DDX39A: variants seen among roughly 807,000 people sequenced by gnomAD.
DDX39A encodes DExD-box helicase 39A.
Under a neutral mutation model 46.3 loss-of-function variants are expected in DDX39A, and 13 were observed. The observed-to-expected ratio is 0.28, with a 90% CI of 0.18 to 0.45. The LOEUF (loss-of-function observed/expected upper bound fraction) is 0.45. Among genes scored for constraint, DDX39A ranks in the 20% least tolerant of loss-of-function variants. The pLI is 1.00. For missense variants in DDX39A, 352 were observed against 581.8 expected (o/e 0.61, Z 4.06); for synonymous variants, 234 against 224.6 (o/e 1.04, Z -0.38).
At position 14,412,515 on chromosome 19, in the gene DDX39A, G is replaced by C; in HGVS notation, c.336+36C>G. 1 of 1,594,214 alleles carries C rather than the reference G, an allele frequency of 6.3e-7. No individual in the cohort carries two copies. The highest frequency in any genetic ancestry group is 2.2e-5 in the East Asian group (1 of 44,768). ...AGCCTACTCTACTTCCGCCGCCACAGGCAGGGTGGGGCCAGGAAGGGAGGA... is the reference window on the plus strand; with the variant it reads ...AGCCTACTCTACTTCCGCCGCCACACGCAGGGTGGGGCCAGGAAGGGAGGA... On this transcript the variant is annotated intron_variant, in intron 3 of 10. Coordinates refer to ENST00000242776, the MANE Select transcript of DDX39A (RefSeq NM_005804.4). The surrounding 1 kb of genome is among the most constrained non-coding windows in gnomAD (Gnocchi z 4.4).
In DDX39A at chr19:14,408,810, G is replaced by A; in HGVS notation, c.*126C>T. 1 of 1,377,036 alleles carries A rather than the reference G, an allele frequency of 7.3e-7. No homozygotes were observed. Among genetic ancestry groups the A allele is most frequent in the Non-Finnish European group, 9.7e-7 (1 of 1,035,458 alleles). The allele number at this position is 1,377,036 out of a possible 1,614,324, so 85.3% of individuals were successfully genotyped here. A position where few individuals can be genotyped will look rare whatever the true frequency, so the allele number is the denominator to read the frequency against. On this transcript the variant is annotated 3_prime_UTR_variant, in exon 11 of 11. Coordinates refer to ENST00000242776, the MANE Select transcript of DDX39A (RefSeq NM_005804.4). ...GATGACCAAGAAATAGATGGGGTGG[G>A]AGCCAGGCTTCCATAATAACAAGTT...
At position 14,409,559 on chromosome 19, in the gene DDX39A, G is replaced by A. The variant is rs766149625; in HGVS notation, c.951C>T (p.His317=). The part of the protein sequence containing the change: ...VEQNFPAIAI[H]RGMAQEERLS... ...ACCGCTCCTCCTGGGCCATGCCCCG[G>A]TGGATGGCGATGGCCGGGAAGTTCT... The change falls in exon 8 of 11, where the codon CAC becomes CAT. Residue 317 remains histidine, a synonymous_variant. Coordinates refer to ENST00000242776, the MANE Select transcript of DDX39A (RefSeq NM_005804.4). The surrounding 1 kb of genome is among the most constrained non-coding windows in gnomAD (Gnocchi z 8.3). 1.1e-5 allele frequency: 18 copies of A among 1,610,352 alleles called. No individual in the cohort carries two copies. The African/African-American group carries it at 2.4e-4, about 21-fold the overall frequency.
rs1162600787 is a variant in DDX39A, at chr19:14,410,188, C to T, written c.732+28G>A. On this transcript the variant is annotated intron_variant, in intron 6 of 10. Transcript: ENST00000242776. The surrounding 1 kb of genome is among the most constrained non-coding windows in gnomAD (Gnocchi z 4.3). ...CCAGGCTCCAGGCCCCTGGGGAAGGCCAAAGCTGCCACTCTCGCCCTACTC... is the reference window on the plus strand; with the variant it reads ...CCAGGCTCCAGGCCCCTGGGGAAGGTCAAAGCTGCCACTCTCGCCCTACTC... The T allele has an allele frequency of 6.2e-7, 1 of 1,604,322 alleles. No homozygotes were observed. Among genetic ancestry groups the T allele is most frequent in the Middle Eastern group, 1.7e-4 (1 of 6,048 alleles).
chr19:14,410,337 A>G lies in DDX39A; in HGVS notation c.614-3T>C. 1 of 1,613,154 alleles carries G rather than the reference A, an allele frequency of 6.2e-7. No homozygotes were observed. Among genetic ancestry groups the G allele is most frequent in the African/African-American group, 1.3e-5 (1 of 75,020 alleles). On this transcript the variant is annotated splice_region_variant and splice_polypyrimidine_tract_variant and intron_variant, in intron 5 of 10. Transcript: ENST00000242776. The surrounding 1 kb of genome is among the most constrained non-coding windows in gnomAD (Gnocchi z 4.3). ...CTCCTGCACATCCCGCCGCATGTCT[A>G]GGTGGGGAGGGCAAGACATGGGTGG...
chr19:14,409,847 CTCG>C lies in DDX39A; in HGVS notation c.756_758del (p.Asp252del), dbSNP rs1444539272. 2.5e-6 allele frequency: 4 copies of C among 1,613,952 alleles called. No individual in the cohort carries two copies. The highest frequency in any genetic ancestry group is 3.4e-6 in the Non-Finnish European group (4 of 1,180,042). ...GCAGGCCGTGCAGCGTGAGCTTGGT[CTCG>C]TCGTCCACAAACACCTCCATGGGCT... On this transcript the variant is annotated inframe_deletion, in exon 7 of 11. Coordinates refer to ENST00000242776, the MANE Select transcript of DDX39A (RefSeq NM_005804.4). This position sits in a 1 kb window ranked among gnomAD's most constrained non-coding sequence, Gnocchi z 8.3.
In DDX39A at chr19:14,411,364, C is replaced by A; in HGVS notation, c.429+142G>T. 9.7e-7 allele frequency: 1 copy of A among 1,029,158 alleles called. No homozygotes were observed. Among genetic ancestry groups the A allele is most frequent in the Non-Finnish European group, 1.4e-6 (1 of 695,266 alleles). 63.8% of individuals were successfully genotyped at this position (1,029,158 alleles called of 1,614,324 possible). A position where few individuals can be genotyped will look rare whatever the true frequency, so the allele number is the denominator to read the frequency against. On this transcript the variant is annotated intron_variant, in intron 4 of 10. Coordinates refer to ENST00000242776, the MANE Select transcript of DDX39A (RefSeq NM_005804.4). This position sits in a 1 kb window ranked among gnomAD's most constrained non-coding sequence, Gnocchi z 4.1. ...TGGGAGCCATGCATAATTCATCAGG[C>A]TTTTAAGGAGCAAAAACCACCGCAA...
In DDX39A at chr19:14,410,089, GA is replaced by G. The variant is rs982216132; in HGVS notation, c.732+126del. 1 of 1,063,024 alleles carries G rather than the reference GA, an allele frequency of 9.4e-7. No individual in the cohort carries two copies. The highest frequency in any genetic ancestry group is 1.7e-5 in the Admixed American group (1 of 57,792). The allele number at this position is 1,063,024 out of a possible 1,614,324, so 65.8% of individuals were successfully genotyped here. On this transcript the variant is annotated intron_variant, in intron 6 of 10. Coordinates refer to ENST00000242776, the MANE Select transcript of DDX39A (RefSeq NM_005804.4). The surrounding 1 kb of genome is among the most constrained non-coding windows in gnomAD (Gnocchi z 4.3). ...CCCAGTTTGACAAGACCGAGGGGAGGAAAGGAGGCTCCGCCGGCTCCCAGCA... is the reference window on the plus strand; with the variant it reads ...CCCAGTTTGACAAGACCGAGGGGAGGAAGGAGGCTCCGCCGGCTCCCAGCA...
At chr19:14,418,879 C>A (rs1408347940) in intron 1 of DDX39A, 3 of 456,052 alleles carry the variant, frequency 6.6e-6, no homozygotes, top group Non-Finnish European at 1.3e-5. Context: ...AAACCCCTGA[C>A]AACTGAAAGC....
In DDX39A at chr19:14,410,627, G is replaced by C; in HGVS notation, c.614-293C>G. The C allele has an allele frequency of 1.9e-6, 1 of 527,036 alleles. No individual in the cohort carries two copies. The highest frequency in any genetic ancestry group is 1.9e-5 in the African/African-American group (1 of 52,410). The allele number at this position is 527,036 out of a possible 1,614,324, so 32.6% of individuals were successfully genotyped here. Reference sequence around the variant, plus strand: ...GAGCCTGAGGCAGAGACAGCCGCTGGGGTGAGAGCTGCAGCTGCCTCCCAG... The same window carrying C: ...GAGCCTGAGGCAGAGACAGCCGCTGCGGTGAGAGCTGCAGCTGCCTCCCAG... On this transcript the variant is annotated intron_variant, in intron 5 of 10. Transcript: ENST00000242776. This position sits in a 1 kb window ranked among gnomAD's most constrained non-coding sequence, Gnocchi z 4.3.
At position 14,410,342 on chromosome 19, in the gene DDX39A, G is replaced by A; in HGVS notation, c.614-8C>T. 6.2e-7 allele frequency: 1 copy of A among 1,612,376 alleles called. No homozygotes were observed. Among genetic ancestry groups the A allele is most frequent in the Non-Finnish European group, 8.5e-7 (1 of 1,178,500 alleles). ...GCACATCCCGCCGCATGTCTAGGTG[G>A]GGAGGGCAAGACATGGGTGGGCATG... On this transcript the variant is annotated splice_region_variant and splice_polypyrimidine_tract_variant and intron_variant, in intron 5 of 10. Transcript: ENST00000242776. This position sits in a 1 kb window ranked among gnomAD's most constrained non-coding sequence, Gnocchi z 4.3.
Position 14,412,126 on chromosome 19 carries a change from G to A in DDX39A, c.336+425C>T, listed in dbSNP as rs1248587210. On this transcript the variant is annotated intron_variant, in intron 3 of 10. Coordinates refer to ENST00000242776, the MANE Select transcript of DDX39A (RefSeq NM_005804.4). The surrounding 1 kb of genome is among the most constrained non-coding windows in gnomAD (Gnocchi z 4.4). The stretch of plus-strand genomic sequence containing the variant: ...CACTGAAGTGTCTCCCCAGGACAGT[G>A]GCACACAAGACAATGGGAGAAGACA... Among the ~76,000 whole-genome samples, 1 of 152,202 alleles carries A rather than the reference G, an allele frequency of 6.6e-6. No individual in the cohort carries two copies. Among genetic ancestry groups the A allele is most frequent in the Admixed American group, 6.5e-5 (1 of 15,272 alleles).
rs1710626926 is a variant in DDX39A, at chr19:14,410,684, G to A, written c.613+305C>T. 3.9e-6 allele frequency: 2 copies of A among 517,698 alleles called. No homozygotes were observed. Among genetic ancestry groups the A allele is most frequent in the Admixed American group, 6.4e-5 (2 of 31,034 alleles). 32.1% of individuals were successfully genotyped at this position (517,698 alleles called of 1,614,324 possible). Reference sequence around the variant, plus strand: ...AGCCCATCTCCCACCGGCCCTGTCGGGGCTCACTGAGGGCAGGCGGGGCCT... The same window carrying A: ...AGCCCATCTCCCACCGGCCCTGTCGAGGCTCACTGAGGGCAGGCGGGGCCT... On this transcript the variant is annotated intron_variant, in intron 5 of 10. Transcript: ENST00000242776. This position sits in a 1 kb window ranked among gnomAD's most constrained non-coding sequence, Gnocchi z 4.3.
At position 14,413,163 on chromosome 19, in the gene DDX39A, G is replaced by A. The variant is rs970335865; in HGVS notation, c.58C>T (p.Gln20Ter). Residue 20 changes from glutamine (Q) to a stop codon, truncating the protein, a stop_gained, in exon 2 of 11, where the codon CAG becomes TAG. Transcript: ENST00000242776. LOFTEE classifies it high-confidence loss of function. Reference protein sequence around the residue: ...LLDYDEEEEPQAPQESTPAPP... With the variant: ...LLDYDEEEEP ...GCTGGTGTGCTCTCTTGAGGAGCCT[G>A]GGGCTCTTCCTCTTCATCGTAATCC... The A allele has an allele frequency of 6.2e-7, 1 of 1,613,950 alleles. No homozygotes were observed. The highest frequency in any genetic ancestry group is 1.3e-5 in the African/African-American group (1 of 74,912).
intron 1 of DDX39A, among the ~76,000 whole-genome samples, chr19:14,415,050 C>A (rs1976753728): frequency 6.6e-6 from 1 of 151,808 alleles, no homozygotes; most frequent in South Asian, 2.1e-4. Context: ...ACATGTGCAA[C>A]CACTACCACA....
chr19:14,410,133 C>T lies in DDX39A; in HGVS notation c.732+83G>A. 5.5e-6 allele frequency: 7 copies of T among 1,265,302 alleles called. No individual in the cohort carries two copies. The highest frequency in any genetic ancestry group is 8.1e-6 in the Non-Finnish European group (7 of 869,122). The allele number at this position is 1,265,302 out of a possible 1,614,324, so 78.4% of individuals were successfully genotyped here. A position where few individuals can be genotyped will look rare whatever the true frequency, so the allele number is the denominator to read the frequency against. On this transcript the variant is annotated intron_variant, in intron 6 of 10. Transcript: ENST00000242776. The surrounding 1 kb of genome is among the most constrained non-coding windows in gnomAD (Gnocchi z 4.3). ...TCCCAGCATCCCAGCATCCTCCGTGCCATGTGGGCCGTGCGGGTGTCCTGG... is the reference window on the plus strand; with the variant it reads ...TCCCAGCATCCCAGCATCCTCCGTGTCATGTGGGCCGTGCGGGTGTCCTGG...
At chr19:14,415,018 G>A (rs1976751820) in intron 1 of DDX39A, among the ~76,000 whole-genome samples, 1 of 151,006 alleles carries the variant, frequency 6.6e-6, no homozygotes, top group Non-Finnish European at 1.5e-5. Flanking sequence ...AGATAATTCA[G>A]TGGTTTTTAG....
chr19:14,415,098 A>C (rs1440041327), intron 1 of DDX39A, among the ~76,000 whole-genome samples: 1 of 152,284 alleles, frequency 6.6e-6, no homozygotes, highest in Non-Finnish European at 1.5e-5. Flanking sequence ...TTGAAATAAA[A>C]GCTCCTGTAC....
rs1976490762 is a variant in DDX39A, at chr19:14,409,817, C to T, written c.789G>A (p.Gln263=). The T allele has an allele frequency of 6.2e-6, 10 of 1,614,028 alleles. No homozygotes were observed. Among genetic ancestry groups the T allele is most frequent in the South Asian group, 3.3e-5 (3 of 91,094 alleles). The part of the protein sequence containing the change: ...ETKLTLHGLQ[Q]YYVKLKDSEK... ...CACTGTCTTTGAGTTTGACGTAGTA[C>T]TGCTGCAGGCCGTGCAGCGTGAGCT... The change falls in exon 7 of 11, where the codon CAG becomes CAA. Residue 263 remains glutamine, a synonymous_variant. Transcript: ENST00000242776. This position sits in a 1 kb window ranked among gnomAD's most constrained non-coding sequence, Gnocchi z 8.3.
Position 14,409,374 on chromosome 19 carries a change from T to A in DDX39A, c.1048A>T (p.Met350Leu), listed in dbSNP as rs984466720. 9 of 1,613,978 alleles carry A rather than the reference T, an allele frequency of 5.6e-6. No homozygotes were observed. The highest frequency in any genetic ancestry group is 7.6e-6 in the Non-Finnish European group (9 of 1,180,022). Residue 350 changes from methionine (M) to leucine (L), a missense_variant, in exon 9 of 11, where the codon ATG becomes TTG. Met to Leu is a conservative substitution (Grantham distance 15). Transcript: ENST00000242776. The surrounding 1 kb of genome is among the most constrained non-coding windows in gnomAD (Gnocchi z 8.3). ...ACGATGTTGACTCGCTCGATGTCCA[T>A]CCCCCGGCCAAACAGATTGGTGGCC... ...LVATNLFGRG[M>L]DIERVNIVFN... is the part of the protein sequence containing the mutation.
Sources: gnomAD v4.1 joint callset for allele counts (sites outside exome capture counted in the v4.1 genomes callset) on GRCh38, gnomAD v4.1.1 for gene constraint, Gnocchi (gnomAD v3.1) non-coding constraint, MANE v1.5 for transcripts, NCBI Gene and HGNC (gene_info 2026-07-23, HGNC 2026-07-21) for gene names.